The following CLDN2 variants were observed in gnomAD, a reference collection of about 807,000 sequenced individuals.
The protein encoded by CLDN2 is claudin 2.
In CLDN2, 1 loss-of-function variant was observed where a neutral mutation model predicts 8.2. That is an observed-to-expected ratio of 0.12 (90% CI 0.04 to 0.58). CLDN2 has a LOEUF of 0.58. CLDN2 is among the 20% of genes least tolerant of loss of function. The pLI is 0.90. For synonymous variants in CLDN2, 70 were observed against 70.2 expected (o/e 1.00, Z 0.01); for missense variants, 108 against 172.9 (o/e 0.62, Z 2.11).
intron 1 of CLDN2, among the ~76,000 whole-genome samples, chrX:106,922,972 ATTTT>A (rs57514922): frequency 3.8e-5 from 3 of 78,373 alleles, no homozygotes; most frequent in Non-Finnish European, 2.5e-5. Context: ...AGCTCTGAAG[ATTTT>A]TTTTTTTTTT....
upstream of CLDN2, among the ~76,000 whole-genome samples, chrX:106,918,119 C>A (rs1933337813): frequency 8.9e-6 from 1 of 112,296 alleles, no homozygotes; most frequent in Non-Finnish European, 1.9e-5. Flanking sequence ...ATTGCACAGT[C>A]ACTATGAACT....
intron 1 of CLDN2, among the ~76,000 whole-genome samples, chrX:106,926,590 C>T (rs1222467002): frequency 1.8e-5 from 2 of 110,430 alleles, no homozygotes; most frequent in African/African-American, 3.3e-5. Flanking sequence ...AGTTCGGGCA[C>T]GGTGGCTCAT....
intron 1 of CLDN2, among the ~76,000 whole-genome samples, chrX:106,909,556 G>A (rs1394214008): frequency 1.8e-5 from 2 of 112,290 alleles, no homozygotes; most frequent in African/African-American, 6.5e-5. Flanking sequence ...TGGGGTTGAG[G>A]GCAGGAGGCC....
intron 1 of CLDN2, among the ~76,000 whole-genome samples, chrX:106,926,019 G>A (rs1436444676): frequency 8.9e-6 from 1 of 111,923 alleles, no homozygotes; most frequent in Non-Finnish European, 1.9e-5. Context: ...AAAAAGAATG[G>A]TGAAACTGAA....
At chrX:106,900,760 C>G in intron 1 of CLDN2, 1 of 1,208,724 alleles carries the variant, frequency 8.3e-7, no homozygotes, top group Non-Finnish European at 1.1e-6. Context: ...TACTTCTCTT[C>G]TTCATCCTCC....
At chrX:106,903,047 G>A in intron 1 of CLDN2, 1 of 1,041,140 alleles carries the variant, frequency 9.6e-7, no homozygotes, top group East Asian at 3.1e-5. Flanking sequence ...ACAGAGAACA[G>A]GGTGCCCTGG....
intron 1 of CLDN2, among the ~76,000 whole-genome samples, chrX:106,913,303 C>T (rs1293811923): frequency 9.0e-6 from 1 of 111,697 alleles, no homozygotes; most frequent in Non-Finnish European, 1.9e-5. Context: ...CCATATTGGC[C>T]AGGCTGGTTT....
chrX:106,905,393 C>A (rs1187161851), intron 1 of CLDN2, among the ~76,000 whole-genome samples: 2 of 112,175 alleles, frequency 1.8e-5, no homozygotes, highest in Non-Finnish European at 3.8e-5. Flanking sequence ...TTTCTAAGTG[C>A]AAGATAGATC....
rs748799020 is a variant in CLDN2 at position 106,923,209 on chromosome X, G to A, written c.-179+2658G>A. Among the ~76,000 whole-genome samples, 61 of 112,123 alleles carry A rather than the reference G, an allele frequency of 5.4e-4. 1 individual carries two copies. Among genetic ancestry groups the A allele is most frequent in the African/African-American group, 1.8e-3 (57 of 30,904 alleles). ...AGGCTGGTCTCAAACTCCTGACCTC[G>A]TGATCTGCCCGCCTCGGCCTCCCAA... On this transcript the variant is annotated intron_variant, in intron 1 of 1. Transcript: ENST00000336803.
intron 1 of CLDN2, among the ~76,000 whole-genome samples, chrX:106,921,495 A>T (rs1933391418): frequency 9.0e-6 from 1 of 111,584 alleles, no homozygotes; most frequent in African/African-American, 3.3e-5. Context: ...AGGCTGACTG[A>T]CAGAAGAGGG....
At chrX:106,901,385 C>A in intron 1 of CLDN2, 2 of 889,829 alleles carry the variant, frequency 2.2e-6, no homozygotes, top group Non-Finnish European at 1.6e-6. Context: ...ATAGCAATTC[C>A]TCCCCTCTCC....
upstream of CLDN2, among the ~76,000 whole-genome samples, chrX:106,916,932 C>G (rs1244724445): frequency 1.8e-5 from 2 of 111,827 alleles, no homozygotes; most frequent in Non-Finnish European, 3.8e-5. Flanking sequence ...TGCTTGTAGT[C>G]TCAGCTACTT....
intron 1 of CLDN2, among the ~76,000 whole-genome samples, chrX:106,925,458 A>T (rs763186893): frequency 8.9e-6 from 1 of 112,547 alleles, no homozygotes; most frequent in Admixed American, 9.4e-5. Flanking sequence ...GCATGATTGA[A>T]GAACTGGAAG....
chrX:106,922,972 A>ATT (rs57514922), intron 1 of CLDN2, among the ~76,000 whole-genome samples: 24 of 78,384 alleles, frequency 3.1e-4, no homozygotes, highest in African/African-American at 9.2e-4. Flanking sequence ...AGCTCTGAAG[A>ATT]TTTTTTTTTT....
At chrX:106,914,855 T>C (rs766533541), upstream of CLDN2, among the ~76,000 whole-genome samples, 2 of 112,112 alleles carry the variant, frequency 1.8e-5, no homozygotes, top group Non-Finnish European at 3.8e-5. Context: ...TAAATTTGCA[T>C]AGATATTAAG....
At chrX:106,901,337 G>A in intron 1 of CLDN2, 1 of 616,827 alleles carries the variant, frequency 1.6e-6, no homozygotes, top group South Asian at 3.0e-5. Context: ...TAACCTCTCT[G>A]GGCTCCAGTT....
At chrX:106,928,010 C>A in intron 1 of CLDN2, 41 bp from the exon 2 acceptor site, 1 of 339,065 alleles carries the variant, frequency 2.9e-6, no homozygotes, top group Non-Finnish European at 5.1e-6. Context: ...TTCTCATAAG[C>A]TTCTGGTCAA....
At chrX:106,924,270 T>C (rs1933434930) in intron 1 of CLDN2, among the ~76,000 whole-genome samples, 1 of 110,557 alleles carries the variant, frequency 9.0e-6, no homozygotes, top group African/African-American at 3.3e-5. Context: ...ATAGGAGTAA[T>C]AGCTGCACAG....
chrX:106,923,107 T>A (rs1933416332), intron 1 of CLDN2, among the ~76,000 whole-genome samples: 1 of 110,492 alleles, frequency 9.1e-6, no homozygotes, highest in African/African-American at 3.3e-5. Flanking sequence ...CCCTAGTAGC[T>A]GGGATTACAG....
Sources: allele counts gnomAD v4.1 joint callset (sites outside exome capture counted in the v4.1 genomes callset), GRCh38; gene constraint gnomAD v4.1.1; transcripts MANE v1.5; gene names NCBI Gene and HGNC (gene_info 2026-07-23, HGNC 2026-07-21).